Variants in ATAD1 observed in about 807,000 individuals in gnomAD.
ATAD1 encodes ATPase family AAA domain containing 1.
ATAD1 carries 18 observed loss-of-function variants against 42.7 expected under a neutral mutation model. The ratio of observed to expected loss-of-function variants is 0.42; its 90% CI spans 0.29 to 0.63. ATAD1 has a LOEUF of 0.63. ATAD1 is among the 20% of genes least tolerant of loss of function. The pLI is 0.19. For synonymous variants in ATAD1, 132 were observed against 143.1 expected (o/e 0.92, Z 0.55); for missense variants, 294 against 440.4 (o/e 0.67, Z 2.98).
chr10:87,788,416 A>G (rs1012959327), intron 4 of ATAD1, among the ~76,000 whole-genome samples: 1 of 152,246 alleles, frequency 6.6e-6, no homozygotes, highest in Non-Finnish European at 1.5e-5. Context: ...AAAGTAAATT[A>G]ATGATCTTCA....
intron 1 of ATAD1, among the ~76,000 whole-genome samples, chr10:87,826,063 G>A (rs1006742058): frequency 6.6e-6 from 1 of 152,148 alleles, no homozygotes; most frequent in Non-Finnish European, 1.5e-5. Context: ...CTTTCACCTA[G>A]AGGGGCCCAG....
intron 6 of ATAD1, among the ~76,000 whole-genome samples, chr10:87,775,996 C>T (rs554958991): frequency 7.2e-5 from 11 of 152,254 alleles, no homozygotes; most frequent in African/African-American, 2.4e-5. Flanking sequence ...AAAAAATGTA[C>T]ACAATACCCA....
rs749514696 is a variant in ATAD1, at chr10:87,782,291, TCA to T, written c.583+2177_583+2178del. On this transcript the variant is annotated intron_variant, in intron 5 of 9. Coordinates refer to ENST00000680024, the MANE Select transcript of ATAD1 (RefSeq NM_001321967.2). Reference sequence around the variant, plus strand: ...GAGAGAAAGTAGAATTAACACATGTTCACACACAGGAAGAATCTACTCTTTGT... The same window carrying T: ...GAGAGAAAGTAGAATTAACACATGTTCACACAGGAAGAATCTACTCTTTGT... 4.7e-4 allele frequency among the ~76,000 whole-genome samples: 72 copies of T among 152,202 alleles called. 1 individual carries two copies. Among genetic ancestry groups the T allele is most frequent in the Admixed American group, 1.2e-3 (19 of 15,284 alleles).
intron 1 of ATAD1, among the ~76,000 whole-genome samples, chr10:87,840,859 T>C (rs1858019462): frequency 6.6e-6 from 1 of 152,182 alleles, no homozygotes; most frequent in Non-Finnish European, 1.5e-5. Flanking sequence ...TGTAAAGTAA[T>C]ATATGATGAT....
At chr10:87,770,484 T>C (rs1854978754) in intron 7 of ATAD1, among the ~76,000 whole-genome samples, 1 of 152,234 alleles carries the variant, frequency 6.6e-6, no homozygotes, top group Non-Finnish European at 1.5e-5. Context: ...AGGTAAACTA[T>C]GATATCTACT....
At chr10:87,800,444 T>G (rs1856635890) in intron 2 of ATAD1, among the ~76,000 whole-genome samples, 1 of 152,142 alleles carries the variant, frequency 6.6e-6, no homozygotes, top group African/African-American at 2.4e-5. Context: ...CTAACAATGT[T>G]TTCATGAATA....
In ATAD1 at chr10:87,762,526, G is replaced by A. The variant is rs190106963; in HGVS notation, c.831+5147C>T. Among the ~76,000 whole-genome samples, 730 of 151,248 alleles carry A rather than the reference G, an allele frequency of 4.8e-3. 2 individuals are homozygous for A. Among genetic ancestry groups the A allele is most frequent in the African/African-American group, 0.017 (689 of 41,224 alleles). On this transcript the variant is annotated intron_variant, in intron 8 of 9. Transcript: ENST00000680024. ...GTCACCCAGGCTGGAGTACAGTGGC[G>A]CGATCTCGGCTCACTGCAACCTCTG...
At chr10:87,761,246 A>T (rs561438420) in intron 8 of ATAD1, among the ~76,000 whole-genome samples, 1 of 152,176 alleles carries the variant, frequency 6.6e-6, no homozygotes, top group African/African-American at 2.4e-5. Context: ...ATAAATACCA[A>T]CCAGTGGGAA....
At chr10:87,826,753 T>A (rs1857737504) in intron 1 of ATAD1, among the ~76,000 whole-genome samples, 1 of 152,202 alleles carries the variant, frequency 6.6e-6, no homozygotes, top group Non-Finnish European at 1.5e-5. Flanking sequence ...ACCCCTTCCT[T>A]GGGACTCTTG....
chr10:87,766,480 C>T (rs372608182), intron 8 of ATAD1, among the ~76,000 whole-genome samples: 24 of 151,698 alleles, frequency 1.6e-4, no homozygotes, highest in South Asian at 4.2e-4. Flanking sequence ...CTCAACGATA[C>T]GTAAAAAAAG....
At chr10:87,838,116 A>G (rs1857961408) in intron 1 of ATAD1, among the ~76,000 whole-genome samples, 2 of 152,246 alleles carry the variant, frequency 1.3e-5, no homozygotes, top group Non-Finnish European at 1.5e-5. Context: ...CTGCTTGTTC[A>G]GTAGTACTTT....
chr10:87,832,152 C>T (rs1048562182), intron 1 of ATAD1: 1 of 149,538 alleles, frequency 6.7e-6, no homozygotes, highest in Non-Finnish European at 1.5e-5. Context: ...ACTGCAGCCT[C>T]CACCTCCTAG....
chr10:87,765,235 A>T (rs1306442709), intron 8 of ATAD1, among the ~76,000 whole-genome samples: 1 of 152,126 alleles, frequency 6.6e-6, no homozygotes, highest in Non-Finnish European at 1.5e-5. Context: ...ATTTTGATAA[A>T]AGTAGTATCT....
chr10:87,772,346 C>G (rs533224736), intron 6 of ATAD1, among the ~76,000 whole-genome samples: 1 of 152,104 alleles, frequency 6.6e-6, no homozygotes, highest in South Asian at 2.1e-4. Context: ...CCTCTGGGCT[C>G]AAGCGATCCT....
At chr10:87,757,895 C>A (rs1246725600) in intron 8 of ATAD1, among the ~76,000 whole-genome samples, 1 of 152,212 alleles carries the variant, frequency 6.6e-6, no homozygotes, top group Non-Finnish European at 1.5e-5. Flanking sequence ...AGCTCTGCAA[C>A]TGTGACCTCA....
At chr10:87,829,643 T>C (rs1286355266) in intron 1 of ATAD1, among the ~76,000 whole-genome samples, 1 of 152,210 alleles carries the variant, frequency 6.6e-6, no homozygotes, top group Non-Finnish European at 1.5e-5. Flanking sequence ...AAGAAGTTGG[T>C]CCAACCCTCC....
intron 5 of ATAD1, 104 bp downstream of exon 5, chr10:87,784,366 T>C (rs1252261898): frequency 1.9e-6 from 2 of 1,079,534 alleles, no homozygotes; most frequent in East Asian, 2.6e-5. Flanking sequence ...GTTATGTTCT[T>C]TGTTTTATTA....
chr10:87,830,630 A>G (rs193204683), intron 1 of ATAD1, among the ~76,000 whole-genome samples: 17 of 152,350 alleles, frequency 1.1e-4, no homozygotes, highest in Admixed American at 9.1e-4. Context: ...TTTATCAAGA[A>G]TAATAACATT....
intron 1 of ATAD1, among the ~76,000 whole-genome samples, chr10:87,835,108 C>T (rs1039083592): frequency 7.2e-5 from 11 of 152,072 alleles, no homozygotes; most frequent in African/African-American, 2.4e-4. Flanking sequence ...GATTAGAGAG[C>T]ATATTTTATA....
Sources: gnomAD v4.1 joint callset for allele counts (sites outside exome capture counted in the v4.1 genomes callset) on GRCh38, gnomAD v4.1.1 for gene constraint, MANE v1.5 for transcripts, NCBI Gene and HGNC (gene_info 2026-07-23, HGNC 2026-07-21) for gene names.